LRMDA: variants seen among roughly 807,000 people sequenced by gnomAD.
The protein encoded by LRMDA is leucine-rich melanocyte differentiation-associated protein.
Under a neutral mutation model 29.8 loss-of-function variants are expected in LRMDA, and 18 were observed. The ratio of observed to expected loss-of-function variants is 0.60; its 90% CI spans 0.42 to 0.90. The LOEUF (loss-of-function observed/expected upper bound fraction) is 0.90. Ranked by LOEUF, LRMDA falls within the 40% of genes least tolerant of loss-of-function variation. The pLI is 0.00. For missense variants in LRMDA, 273 were observed against 273.9 expected, an observed-to-expected ratio of 1.00 and a Z score of 0.02; for synonymous variants, 125 against 109.4, an observed-to-expected ratio of 1.14 and a Z score of -0.89.
chr10:75,564,246 C>A (rs568482331), intron 2 of LRMDA, among the ~76,000 whole-genome samples: 76 of 152,280 alleles, frequency 5.0e-4, no homozygotes, highest in Non-Finnish European at 8.5e-4. Flanking sequence ...GGTGGGCGCC[C>A]CTCCCCCAGC....
At chr10:76,074,503 G>A (rs545227900) in intron 5 of LRMDA, among the ~76,000 whole-genome samples, 2 of 152,126 alleles carry the variant, frequency 1.3e-5, no homozygotes, top group Non-Finnish European at 2.9e-5. Flanking sequence ...AAGACAAATG[G>A]CCTGTTTAAA....
At chr10:76,160,721 A>G (rs1374597237) in intron 5 of LRMDA, among the ~76,000 whole-genome samples, 3 of 152,190 alleles carry the variant, frequency 2.0e-5, no homozygotes, top group East Asian at 1.9e-4. Context: ...TTTACAATCT[A>G]TCTCATTGAG....
chr10:76,218,667 G>C (rs1480353424), intron 5 of LRMDA, among the ~76,000 whole-genome samples: 1 of 152,282 alleles, frequency 6.6e-6, no homozygotes, highest in South Asian at 2.1e-4. Flanking sequence ...ATCCAGGTGG[G>C]TTCCAGCCCC....
intron 5 of LRMDA, among the ~76,000 whole-genome samples, chr10:76,074,457 G>C (rs1006381353): frequency 6.6e-5 from 10 of 151,994 alleles, no homozygotes; most frequent in African/African-American, 2.2e-4. Context: ...TATCAAAGGG[G>C]GATATTTGAG....
intron 2 of LRMDA, among the ~76,000 whole-genome samples, chr10:75,903,914 C>A (rs562146718): frequency 2.0e-5 from 3 of 152,280 alleles, no homozygotes; most frequent in East Asian, 3.9e-4. Flanking sequence ...TCAGCTTCTT[C>A]GCAAATGAAA....
rs1842688738 is a variant in LRMDA at position 76,477,578 on chromosome 10, G to T, written c.602-79631G>T. 1.3e-5 allele frequency among the ~76,000 whole-genome samples: 2 copies of T among 152,166 alleles called. 1 individual carries two copies. The highest frequency in any genetic ancestry group is 4.8e-5 in the African/African-American group (2 of 41,436). On this transcript the variant is annotated intron_variant, in intron 6 of 6. Transcript: ENST00000611255. ...TTAAAGTTCATATGGAACCGAAAAA[G>T]AGCCCGCATCGCCAAGGCAATCCTA...
At chr10:75,539,271 G>GT in intron 2 of LRMDA, among the ~76,000 whole-genome samples, 1 of 152,286 alleles carries the variant, frequency 6.6e-6, no homozygotes, top group African/African-American at 2.4e-5. Context: ...CACACTGAAA[G>GT]TTTTTTGTTT....
At chr10:76,127,082 G>C (rs975992368) in intron 5 of LRMDA, among the ~76,000 whole-genome samples, 6 of 152,164 alleles carry the variant, frequency 3.9e-5, no homozygotes, top group Non-Finnish European at 7.3e-5. Context: ...CACTGTTGCA[G>C]CCATTATGAG....
chr10:75,881,570 G>A (rs572571985), intron 2 of LRMDA, among the ~76,000 whole-genome samples: 20 of 152,200 alleles, frequency 1.3e-4, no homozygotes, highest in African/African-American at 4.6e-4. Flanking sequence ...CCAATCAGAC[G>A]TTTGCATAGG....
chr10:75,913,965 A>T (rs910115417), intron 2 of LRMDA, among the ~76,000 whole-genome samples: 10 of 152,234 alleles, frequency 6.6e-5, no homozygotes, highest in African/African-American at 2.4e-4. Context: ...TGCCTGCTGC[A>T]GCATCACCCT....
rs557381200 is a variant in LRMDA at position 75,640,723 on chromosome 10, C to A, written c.131+202229C>A. On this transcript the variant is annotated intron_variant, in intron 2 of 6. Coordinates refer to ENST00000611255, the MANE Select transcript of LRMDA (RefSeq NM_001305581.2). The stretch of plus-strand genomic sequence containing the variant: ...GGTGAAAATGCTGGGGAGAGCAGAG[C>A]TATAGGCTCTGTCCTCAGCTGACTT... 4.6e-5 allele frequency among the ~76,000 whole-genome samples: 7 copies of A among 152,280 alleles called. No homozygotes were observed. The South Asian group carries it at 1.5e-3, about 32-fold the overall frequency.
intron 2 of LRMDA, among the ~76,000 whole-genome samples, chr10:75,580,139 T>C (rs1589192209): frequency 6.6e-6 from 1 of 152,326 alleles, no homozygotes; most frequent in East Asian, 1.9e-4. Context: ...ATTGTCTCTG[T>C]TTGCAGATGA....
intron 6 of LRMDA, among the ~76,000 whole-genome samples, chr10:76,419,774 G>A (rs1842054506): frequency 6.6e-6 from 1 of 151,928 alleles, no homozygotes; most frequent in African/African-American, 2.4e-5. Flanking sequence ...AAATTGGGTT[G>A]TTCATTTGGT....
At chr10:75,850,149 C>T (rs575027634) in intron 2 of LRMDA, among the ~76,000 whole-genome samples, 1 of 152,226 alleles carries the variant, frequency 6.6e-6, no homozygotes, top group Admixed American at 6.5e-5. Flanking sequence ...ATATGAGCAC[C>T]TTGATGGTCT....
intron 2 of LRMDA, among the ~76,000 whole-genome samples, chr10:75,673,492 C>T (rs1320995375): frequency 6.6e-6 from 1 of 152,190 alleles, no homozygotes; most frequent in Non-Finnish European, 1.5e-5. Flanking sequence ...TGCTCAGTGC[C>T]TCTATGGGAC....
chr10:76,338,737 G>A (rs1353131727), intron 6 of LRMDA, among the ~76,000 whole-genome samples: 2 of 152,028 alleles, frequency 1.3e-5, no homozygotes, highest in Middle Eastern at 3.2e-3. Context: ...TTTTCAAGAG[G>A]TGCATGTAAT....
At chr10:76,254,419 C>T (rs1374807531) in intron 5 of LRMDA, among the ~76,000 whole-genome samples, 2 of 151,700 alleles carry the variant, frequency 1.3e-5, no homozygotes, top group Middle Eastern at 3.4e-3. Context: ...CTATGCTATA[C>T]TATACTATAC....
chr10:75,581,497 A>T (rs1840590873), intron 2 of LRMDA, among the ~76,000 whole-genome samples: 1 of 152,154 alleles, frequency 6.6e-6, no homozygotes, highest in East Asian at 1.9e-4. Flanking sequence ...CCATTGTGGA[A>T]GACAGTGTGG....
At chr10:75,511,227 C>T (rs925232516) in intron 2 of LRMDA, among the ~76,000 whole-genome samples, 11 of 151,790 alleles carry the variant, frequency 7.2e-5, no homozygotes, top group South Asian at 6.3e-4. Context: ...CCCACCTACT[C>T]GCGAGGCTGA....
Sources: gnomAD v4.1 joint callset for allele counts (sites outside exome capture counted in the v4.1 genomes callset) on GRCh38, gnomAD v4.1.1 for gene constraint, MANE v1.5 for transcripts, NCBI Gene and HGNC (gene_info 2026-07-23, HGNC 2026-07-21) for gene names.